PLS3: variants seen among roughly 807,000 people sequenced by gnomAD.
PLS3 encodes plastin-3.
PLS3 carries 11 observed loss-of-function variants against 46.5 expected under a neutral mutation model. That is an observed-to-expected ratio of 0.24 (90% CI 0.15 to 0.39). The LOEUF is 0.39. PLS3 is among the 10% of genes least tolerant of loss of function. The pLI is 1.00. For synonymous variants in PLS3, 167 were observed against 162.2 expected, an observed-to-expected ratio of 1.03 and a Z score of -0.22; for missense variants, 308 against 461.8, an observed-to-expected ratio of 0.67 and a Z score of 3.05.
chrX:115,587,714 G>A (rs1312931898), intron 1 of PLS3, among the ~76,000 whole-genome samples: 13 of 100,774 alleles, frequency 1.3e-4, no homozygotes, highest in African/African-American at 4.5e-4. Context: ...CAGCCTGGGC[G>A]ACAGAGCGAG....
intron 1 of PLS3, among the ~76,000 whole-genome samples, chrX:115,564,442 C>T (rs1459373735): frequency 8.0e-5 from 9 of 112,099 alleles, no homozygotes; most frequent in African/African-American, 2.9e-4. Flanking sequence ...TTTATACTGG[C>T]AGAATGTCAG....
chrX:115,577,117 G>A (rs782440173), intron 1 of PLS3, among the ~76,000 whole-genome samples: 1 of 111,285 alleles, frequency 9.0e-6, no homozygotes, highest in African/African-American at 3.3e-5. Flanking sequence ...TTTAGTAGCA[G>A]TGCCTCTTCC....
chrX:115,634,692 G>A (rs1556639900), intron 6 of PLS3, among the ~76,000 whole-genome samples, 189 bp from the exon 7 acceptor site: 1 of 112,258 alleles, frequency 8.9e-6, no homozygotes, highest in Non-Finnish European at 1.9e-5. Flanking sequence ...TAGCAATAAG[G>A]CTGAAATTTG....
chrX:115,636,555 T>C (rs2074838756), intron 7 of PLS3, among the ~76,000 whole-genome samples: 1 of 112,052 alleles, frequency 8.9e-6, no homozygotes. Context: ...TATACAAACA[T>C]ATGACATAAT....
intron 7 of PLS3, 66 bp downstream of exon 7, chrX:115,635,112 G>A: frequency 8.3e-6 from 8 of 961,805 alleles, no homozygotes; most frequent in Admixed American, 2.4e-5. Flanking sequence ...GCAGACTTTC[G>A]TGCTCTCACT....
At chrX:115,611,212 T>C (rs1556636068) in intron 2 of PLS3, among the ~76,000 whole-genome samples, 1 of 113,077 alleles carries the variant, frequency 8.8e-6, no homozygotes, top group Non-Finnish European at 1.9e-5. Flanking sequence ...ATCAACATTT[T>C]CTATGAAGGC....
rs782035535 is a variant in PLS3, at chrX:115,629,882, A to G, written c.415A>G (p.Asn139Asp). ...FVNWINKALE[N>D]DPDCRHVIPM... is the part of the protein sequence containing the mutation. ...TAACTGGATAAACAAAGCTTTGGAA[A>G]ATGATCCTGATTGTAGACATGTTAT... The change falls in exon 5 of 16, where the codon AAT (asparagine) becomes GAT (aspartate). Residue 139 changes from asparagine (N) to aspartate (D), a missense_variant. Around this residue, in one of 2 missense-constraint regions of PLS3, gnomAD observed 271 missense variants for 435.7 expected, o/e 0.62. Coordinates refer to ENST00000355899, the MANE Select transcript of PLS3 (RefSeq NM_005032.7). The G allele has an allele frequency of 6.0e-6, 7 of 1,159,746 alleles. No individual in the cohort carries two copies. The Admixed American group carries it at 1.3e-4, about 22-fold the overall frequency.
At chrX:115,597,486 G>A (rs2074401137) in intron 1 of PLS3, among the ~76,000 whole-genome samples, 1 of 111,827 alleles carries the variant, frequency 8.9e-6, no homozygotes, top group African/African-American at 3.3e-5. Context: ...CAGCTACTTG[G>A]AGTTGGATAA....
rs2074918734 is a variant in PLS3, at chrX:115,643,470, A to T, written c.1145A>T (p.Lys382Met). ...NLFNKYPALT[K>M]PENQDIDWTL... is the part of the protein sequence containing the mutation. Reference sequence around the variant, plus strand: ...TTTAATAAATACCCAGCACTAACTAAGCCAGAGAACCAGGATATTGACTGG... The same window carrying T: ...TTTAATAAATACCCAGCACTAACTATGCCAGAGAACCAGGATATTGACTGG... The change falls in exon 10 of 16, where the codon AAG becomes ATG. Residue 382 changes from lysine (K) to methionine (M), a missense_variant. Lys to Met is a moderately conservative substitution (Grantham distance 95). Coordinates refer to ENST00000355899, the MANE Select transcript of PLS3 (RefSeq NM_005032.7). 8.3e-7 allele frequency: 1 copy of T among 1,202,072 alleles called. No homozygotes were observed. The highest frequency in any genetic ancestry group is 1.1e-6 in the Non-Finnish European group (1 of 886,793).
intron 2 of PLS3, among the ~76,000 whole-genome samples, chrX:115,616,126 T>C (rs1026355942): frequency 1.8e-5 from 2 of 112,166 alleles, no homozygotes; most frequent in Non-Finnish European, 3.8e-5. Flanking sequence ...TAAGTTCTCA[T>C]GTTTATGTCA....
chrX:115,608,565 G>A (rs2147484624), intron 1 of PLS3, among the ~76,000 whole-genome samples: 1 of 112,179 alleles, frequency 8.9e-6, no homozygotes, highest in Non-Finnish European at 1.9e-5. Flanking sequence ...CTCAGGTACA[G>A]GATATTTTGG....
chrX:115,635,108 T>G (rs1355343593), intron 7 of PLS3, 62 bp downstream of exon 7: 12 of 976,315 alleles, frequency 1.2e-5, no homozygotes, highest in Non-Finnish European at 1.7e-5. Context: ...TCATGCAGAC[T>G]TTCGTGCTCT....
intron 1 of PLS3, among the ~76,000 whole-genome samples, chrX:115,594,468 G>T (rs1556633531): frequency 1.8e-5 from 2 of 111,893 alleles, no homozygotes; most frequent in Non-Finnish European, 3.8e-5. Context: ...TAACATATAA[G>T]CAAGGTATAT....
intron 1 of PLS3, among the ~76,000 whole-genome samples, chrX:115,571,218 A>C (rs1265346179): frequency 2.7e-5 from 3 of 110,276 alleles, no homozygotes; most frequent in Non-Finnish European, 5.7e-5. Context: ...TTGTGAGGAT[A>C]TGTGGAGAAC....
intron 1 of PLS3, among the ~76,000 whole-genome samples, chrX:115,573,803 A>G (rs2074231757): frequency 9.0e-6 from 1 of 110,891 alleles, no homozygotes; most frequent in African/African-American, 3.3e-5. Flanking sequence ...TCCCAGGTTC[A>G]AGCAATTCTC....
At chrX:115,628,928 C>T (rs924266119) in intron 3 of PLS3, among the ~76,000 whole-genome samples, 12 of 111,862 alleles carry the variant, frequency 1.1e-4, no homozygotes, top group African/African-American at 3.9e-4. Context: ...TGCCTTTGAA[C>T]CACATTAGTT....
chrX:115,645,125 A>ATAG (rs782639049), intron 11 of PLS3, 26 bp downstream of exon 11: 18 of 901,379 alleles, frequency 2.0e-5, no homozygotes, highest in African/African-American at 1.6e-4. Flanking sequence ...GCTATTGTAA[A>ATAG]CAGTTACGAA....
chrX:115,605,801 T>G (rs782287381), intron 1 of PLS3, among the ~76,000 whole-genome samples: 1 of 111,868 alleles, frequency 8.9e-6, no homozygotes, highest in East Asian at 2.8e-4. Context: ...TTCTGGCCAC[T>G]CTGAGAAGAA....
chrX:115,631,031 TATATA>T (rs2074768803), intron 5 of PLS3, among the ~76,000 whole-genome samples: 2 of 94,366 alleles, frequency 2.1e-5, no homozygotes, highest in Admixed American at 1.3e-4. Flanking sequence ...ATATATGTTA[TATATA>T]ATATAACATT....
Sources: gnomAD v4.1 joint callset for allele counts (sites outside exome capture counted in the v4.1 genomes callset) on GRCh38, gnomAD v4.1.1 for gene constraint, gnomAD v4.1.1 regional missense constraint, MANE v1.5 for transcripts, NCBI Gene and HGNC (gene_info 2026-07-23, HGNC 2026-07-21) for gene names.